The following PTPRD variants were observed in gnomAD, a reference collection of about 807,000 sequenced individuals.
PTPRD encodes receptor-type tyrosine-protein phosphatase delta.
PTPRD carries 34 observed loss-of-function variants against 214.5 expected under a neutral mutation model. That is an observed-to-expected ratio of 0.16 (90% CI 0.12 to 0.21). PTPRD has a LOEUF of 0.21. Among genes scored for constraint, PTPRD ranks in the 10% least tolerant of loss-of-function variants. The probability of loss-of-function intolerance (pLI) is 1.00; values close to 1 mark genes in which losing one functional copy is unlikely to be tolerated. For missense variants in PTPRD, 2,545 were observed against 2,398.7 expected, an observed-to-expected ratio of 1.06 and a Z score of -1.27; for synonymous variants, 1,128 against 845.7, an observed-to-expected ratio of 1.33 and a Z score of -5.79.
chr9:8,545,172 C>G (rs1390118222), intron 14 of PTPRD, among the ~76,000 whole-genome samples: 1 of 152,108 alleles, frequency 6.6e-6, no homozygotes, highest in African/African-American at 2.4e-5. Context: ...CTCTTTTACT[C>G]TCCAGAAATA....
intron 5 of PTPRD, among the ~76,000 whole-genome samples, chr9:9,785,282 T>C (rs2098913832): frequency 6.6e-6 from 1 of 152,006 alleles, no homozygotes; most frequent in African/African-American, 2.4e-5. Flanking sequence ...AATTACTGGG[T>C]GAAGCAGGAT....
chr9:9,033,398 C>T (rs1026914985), intron 10 of PTPRD, among the ~76,000 whole-genome samples: 6 of 152,024 alleles, frequency 3.9e-5, no homozygotes, highest in East Asian at 3.9e-4. Flanking sequence ...TCCCTATTTC[C>T]GCTGCTCCAC....
chr9:8,844,443 A>G (rs2097645220), intron 11 of PTPRD, among the ~76,000 whole-genome samples: 1 of 152,094 alleles, frequency 6.6e-6, no homozygotes, highest in African/African-American at 2.4e-5. Flanking sequence ...ATTTAATATG[A>G]ACAATAGTCA....
intron 12 of PTPRD, among the ~76,000 whole-genome samples, chr9:8,666,277 T>C (rs569234627): frequency 4.3e-4 from 65 of 152,314 alleles, no homozygotes; most frequent in African/African-American, 1.3e-3. Context: ...TTATGATTCA[T>C]TTCAAATATT....
intron 9 of PTPRD, among the ~76,000 whole-genome samples, chr9:9,273,971 A>G (rs1943973671): frequency 6.6e-6 from 1 of 151,184 alleles, no homozygotes; most frequent in Non-Finnish European, 1.5e-5. Flanking sequence ...TAATCAACCT[A>G]TTTTTTTCTA....
chr9:8,646,421 C>A (rs909913267), intron 12 of PTPRD, among the ~76,000 whole-genome samples: 2 of 152,260 alleles, frequency 1.3e-5, no homozygotes, highest in Non-Finnish European at 2.9e-5. Flanking sequence ...TACTGTTTGG[C>A]CTTTAAGATA....
intron 9 of PTPRD, among the ~76,000 whole-genome samples, chr9:9,266,695 C>A (rs1238442611): frequency 6.6e-6 from 1 of 150,778 alleles, no homozygotes; most frequent in African/African-American, 2.4e-5. Flanking sequence ...AAACAGCACA[C>A]CCCTGAACAA....
intron 11 of PTPRD, among the ~76,000 whole-genome samples, chr9:8,885,132 A>G (rs1040853883): frequency 3.3e-5 from 5 of 152,200 alleles, no homozygotes; most frequent in Non-Finnish European, 5.9e-5. Flanking sequence ...GGAAATGTGA[A>G]TGAGATTGAT....
intron 11 of PTPRD, among the ~76,000 whole-genome samples, chr9:8,968,324 TG>T (rs1791269349): frequency 6.6e-6 from 1 of 152,070 alleles, no homozygotes; most frequent in Admixed American, 6.6e-5. Flanking sequence ...CTTAAGGAAT[TG>T]CCACACTGTC....
chr9:9,576,594 C>T (rs1418825769), intron 7 of PTPRD, among the ~76,000 whole-genome samples: 1 of 152,074 alleles, frequency 6.6e-6, no homozygotes, highest in Non-Finnish European at 1.5e-5. Context: ...TCTTGCCCTC[C>T]CTTTTTATCT....
chr9:8,525,498 G>A (rs1033559540), intron 17 of PTPRD, among the ~76,000 whole-genome samples: 16 of 151,966 alleles, frequency 1.1e-4, no homozygotes, highest in Admixed American at 4.6e-4. Flanking sequence ...CCAAAAATAC[G>A]CAGCGAGCAC....
intron 5 of PTPRD, among the ~76,000 whole-genome samples, chr9:9,794,323 A>G (rs1459595917): frequency 6.6e-6 from 1 of 151,976 alleles, no homozygotes; most frequent in Admixed American, 6.6e-5. Flanking sequence ...AAATGACATA[A>G]GGACTAGGCC....
intron 5 of PTPRD, among the ~76,000 whole-genome samples, chr9:9,862,011 A>G (rs1324550139): frequency 6.6e-6 from 1 of 152,194 alleles, no homozygotes; most frequent in African/African-American, 2.4e-5. Context: ...CTGTCTGCAT[A>G]TATGTTAAAG....
intron 3 of PTPRD, among the ~76,000 whole-genome samples, chr9:10,190,887 C>T (rs2099361186): frequency 6.6e-6 from 1 of 152,056 alleles, no homozygotes; most frequent in African/African-American, 2.4e-5. Flanking sequence ...CCAGCAGCCT[C>T]TCTAAGTAAA....
chr9:8,466,282 G>C (rs1438365028), intron 31 of PTPRD, among the ~76,000 whole-genome samples: 1 of 151,666 alleles, frequency 6.6e-6, no homozygotes, highest in Non-Finnish European at 1.5e-5. Flanking sequence ...AGGCAATTAG[G>C]GTGCACTTCC....
chr9:8,765,453 C>T (rs966919026), intron 11 of PTPRD, among the ~76,000 whole-genome samples: 18 of 152,178 alleles, frequency 1.2e-4, no homozygotes, highest in Non-Finnish European at 1.5e-5. Context: ...CGTGGACAGC[C>T]CCACATGGTG....
chr9:8,725,291 T>C (rs2098545123), intron 12 of PTPRD, among the ~76,000 whole-genome samples: 1 of 152,232 alleles, frequency 6.6e-6, no homozygotes, highest in Non-Finnish European at 1.5e-5. Flanking sequence ...TAAAAATTAA[T>C]GTTAAATATT....
chr9:8,342,805 G>C (rs1174768651), intron 39 of PTPRD, among the ~76,000 whole-genome samples: 1 of 152,082 alleles, frequency 6.6e-6, no homozygotes, highest in Non-Finnish European at 1.5e-5. Flanking sequence ...AGAGCTCAGA[G>C]TGTATCGAAG....
At chr9:10,452,054 C>T (rs930587767) in intron 2 of PTPRD, among the ~76,000 whole-genome samples, 1 of 152,088 alleles carries the variant, frequency 6.6e-6, no homozygotes, top group Admixed American at 6.5e-5. Flanking sequence ...TAATAATTTA[C>T]AGTTTCATCA....
Sources: gnomAD v4.1 joint callset for allele counts (sites outside exome capture counted in the v4.1 genomes callset) on GRCh38, gnomAD v4.1.1 for gene constraint, MANE v1.5 for transcripts, NCBI Gene and HGNC (gene_info 2026-07-23, HGNC 2026-07-21) for gene names.